Variants in LGSN observed in about 807,000 individuals in gnomAD.
The protein encoded by LGSN is lengsin.
A neutral mutation model predicts 19.5 loss-of-function variants in LGSN; 21 were observed. The observed-to-expected ratio is 1.07, with a 90% CI of 0.76 to 1.55. LGSN has a LOEUF of 1.55. Among genes scored for constraint, LGSN ranks in the 40% most tolerant of loss-of-function variants. The pLI, the probability that LGSN is intolerant of heterozygous loss-of-function variation, is 0.00. For missense variants in LGSN, 673 were observed against 608.5 expected (o/e 1.11, Z -1.12); for synonymous variants, 257 against 215.6 (o/e 1.19, Z -1.68).
chr6:63,491,670 G>A, the LGSN span, among the ~76,000 whole-genome samples: 1 of 152,168 alleles, frequency 6.6e-6, no homozygotes, highest in African/African-American at 2.4e-5. Flanking sequence ...CAATAGATGA[G>A]TTTCTGATAA....
chr6:63,391,807 T>G, the LGSN span, among the ~76,000 whole-genome samples: 1 of 152,120 alleles, frequency 6.6e-6, no homozygotes, highest in African/African-American at 2.4e-5. Context: ...AGAAGTCACA[T>G]GATGTAAAGC....
intron 1 of LGSN, among the ~76,000 whole-genome samples, chr6:63,316,466 G>A (rs1768865360): frequency 6.6e-6 from 1 of 152,016 alleles, no homozygotes; most frequent in South Asian, 2.1e-4. Context: ...TTCAGAGAAG[G>A]AAAAACATAA....
At chr6:63,407,851 G>C in the LGSN span, among the ~76,000 whole-genome samples, 1 of 152,134 alleles carries the variant, frequency 6.6e-6, no homozygotes, top group African/African-American at 2.4e-5. Context: ...CAAAATCAAT[G>C]TACAAAAATC....
intron 1 of LGSN, among the ~76,000 whole-genome samples, chr6:63,315,066 T>G (rs1320802406): frequency 2.0e-5 from 3 of 152,186 alleles, no homozygotes; most frequent in African/African-American, 7.2e-5. Context: ...CAGGAAAGGA[T>G]GACAAGAAGA....
At chr6:63,485,925 TC>T in the LGSN span, among the ~76,000 whole-genome samples, 39 of 152,226 alleles carry the variant, frequency 2.6e-4, no homozygotes, top group African/African-American at 9.4e-4. Context: ...AGATGGGATT[TC>T]ACCATGTTGG....
the LGSN span, among the ~76,000 whole-genome samples, chr6:63,464,976 A>G: frequency 6.7e-6 from 1 of 149,580 alleles, no homozygotes; most frequent in Admixed American, 6.7e-5. Flanking sequence ...CAGTGAGCTG[A>G]GATCACACCA....
chr6:63,449,119 T>A, the LGSN span, among the ~76,000 whole-genome samples: 11 of 152,176 alleles, frequency 7.2e-5, no homozygotes, highest in Non-Finnish European at 1.3e-4. Flanking sequence ...GGATTGCGGA[T>A]AGGTCCTGGA....
intron 2 of LGSN, among the ~76,000 whole-genome samples, chr6:63,289,003 C>T (rs958169432): frequency 2.0e-5 from 3 of 152,216 alleles, no homozygotes; most frequent in African/African-American, 7.2e-5. Context: ...TTTCTGTTTT[C>T]TTCAGTGTCC....
At chr6:63,378,250 T>C in the LGSN span, among the ~76,000 whole-genome samples, 1 of 152,172 alleles carries the variant, frequency 6.6e-6, no homozygotes, top group Non-Finnish European at 1.5e-5. Flanking sequence ...TCTGGCTTTC[T>C]TGATCACCAC....
the LGSN span, among the ~76,000 whole-genome samples, chr6:63,562,478 C>T: frequency 9.2e-5 from 14 of 152,254 alleles, no homozygotes; most frequent in East Asian, 2.3e-3. Flanking sequence ...GGATTACAGG[C>T]GTGAGCCACC....
At chr6:63,403,972 T>C in the LGSN span, among the ~76,000 whole-genome samples, 2 of 149,204 alleles carry the variant, frequency 1.3e-5, no homozygotes, top group Non-Finnish European at 3.0e-5. Context: ...CTCTCTCTCT[T>C]TCTCTCTCCA....
At chr6:63,550,101 C>T in the LGSN span, among the ~76,000 whole-genome samples, 1,268 of 152,140 alleles carry the variant, frequency 8.3e-3, 14 homozygotes, top group African/African-American at 0.029. Flanking sequence ...CAACTTGAAA[C>T]GTTTAAACAG....
the LGSN span, among the ~76,000 whole-genome samples, chr6:63,341,674 G>A: frequency 2.9e-3 from 448 of 152,260 alleles, 3 homozygotes; most frequent in African/African-American, 0.01. Context: ...AGCTGGCATT[G>A]TGACATTGCA....
At chr6:63,567,808 A>G in the LGSN span, among the ~76,000 whole-genome samples, 1 of 152,230 alleles carries the variant, frequency 6.6e-6, no homozygotes, top group African/African-American at 2.4e-5. Flanking sequence ...TATTTAGTGT[A>G]GCCACCTTCA....
chr6:63,377,070 T>C, the LGSN span, among the ~76,000 whole-genome samples: 1 of 152,230 alleles, frequency 6.6e-6, no homozygotes, highest in Non-Finnish European at 1.5e-5. Flanking sequence ...CTGATTCTTT[T>C]TGACATTATA....
At chr6:63,415,250 G>A in the LGSN span, among the ~76,000 whole-genome samples, 2 of 152,186 alleles carry the variant, frequency 1.3e-5, no homozygotes, top group African/African-American at 4.8e-5. Flanking sequence ...GAACCCTTGA[G>A]GCGGAGTTTG....
chr6:63,353,329 A>T, the LGSN span, among the ~76,000 whole-genome samples: 1 of 152,124 alleles, frequency 6.6e-6, no homozygotes, highest in Non-Finnish European at 1.5e-5. Flanking sequence ...CACACAGGAA[A>T]ACCTGATCCT....
chr6:63,519,815 T>C, the LGSN span, among the ~76,000 whole-genome samples: 1 of 152,316 alleles, frequency 6.6e-6, no homozygotes, highest in Admixed American at 6.5e-5. Flanking sequence ...GAAAGCAATA[T>C]AGAATTTTAG....
the LGSN span, among the ~76,000 whole-genome samples, chr6:63,354,201 A>G: frequency 2.6e-5 from 4 of 152,212 alleles, 1 homozygote; most frequent in Middle Eastern, 6.3e-3. Flanking sequence ...AATATCATGA[A>G]AACACAGCCT....
Sources: gnomAD v4.1 joint callset for allele counts (sites outside exome capture counted in the v4.1 genomes callset) on GRCh38, gnomAD v4.1.1 for gene constraint, MANE v1.5 for transcripts, NCBI Gene and HGNC (gene_info 2026-07-23, HGNC 2026-07-21) for gene names.